The following VAV2 variants were observed in gnomAD, a reference collection of about 807,000 sequenced individuals.
VAV2 encodes the protein guanine nucleotide exchange factor VAV2.
In VAV2, 67 loss-of-function variants were observed where a neutral mutation model predicts 132.5. That is an observed-to-expected ratio of 0.51 (90% CI 0.42 to 0.62). VAV2 has a LOEUF of 0.62. Among genes scored for constraint, VAV2 ranks in the 20% least tolerant of loss-of-function variants. The pLI, the probability that VAV2 is intolerant of heterozygous loss-of-function variation, is 0.00. For missense variants in VAV2, 938 were observed against 1,153.6 expected (o/e 0.81, Z 2.71); for synonymous variants, 492 against 443.5 (o/e 1.11, Z -1.37).
intron 2 of VAV2, among the ~76,000 whole-genome samples, chr9:133,887,572 C>T (rs1838761963): frequency 6.6e-6 from 1 of 151,966 alleles, no homozygotes; most frequent in Non-Finnish European, 1.5e-5. Context: ...ACTGTGCAGC[C>T]ATCACCACCG....
At chr9:133,893,366 A>G (rs991329214) in intron 2 of VAV2, among the ~76,000 whole-genome samples, 1 of 152,206 alleles carries the variant, frequency 6.6e-6, no homozygotes, top group Non-Finnish European at 1.5e-5. Flanking sequence ...CGGCAACAGC[A>G]GCTGGGCCTC....
rs1409687352 is a variant in VAV2, at chr9:133,826,036, A to C, written c.449+8236T>G. On this transcript the variant is annotated intron_variant, in intron 4 of 29. Coordinates refer to ENST00000371850, the MANE Select transcript of VAV2 (RefSeq NM_001134398.2). The surrounding 1 kb of genome is among the most constrained non-coding windows in gnomAD (Gnocchi z 4.2). ...TTACATTCCCTGCCGTGTCACGATC[A>C]CATTTGTTTAAGCCTGAAAATCACT... 6.6e-6 allele frequency among the ~76,000 whole-genome samples: 1 copy of C among 152,206 alleles called. No homozygotes were observed. Among genetic ancestry groups the C allele is most frequent in the Non-Finnish European group, 1.5e-5 (1 of 68,034 alleles).
rs1431935358 is a variant in VAV2 at position 133,823,876 on chromosome 9, G to A, written c.449+10396C>T. Reference sequence around the variant, plus strand: ...GGCCATACCTGCTCACACACACACGGGAATGCGGAGCGGGCAGGGTGGTCA... The same window carrying A: ...GGCCATACCTGCTCACACACACACGAGAATGCGGAGCGGGCAGGGTGGTCA... On this transcript the variant is annotated intron_variant, in intron 4 of 29. Transcript: ENST00000371850. This position sits in a 1 kb window ranked among gnomAD's most constrained non-coding sequence, Gnocchi z 5.5. 6.6e-6 allele frequency among the ~76,000 whole-genome samples: 1 copy of A among 152,188 alleles called. No homozygotes were observed. Among genetic ancestry groups the A allele is most frequent in the Admixed American group, 6.5e-5 (1 of 15,282 alleles).
At chr9:133,980,222 G>A (rs1434553420) in intron 1 of VAV2, among the ~76,000 whole-genome samples, 2 of 152,210 alleles carry the variant, frequency 1.3e-5, no homozygotes, top group Non-Finnish European at 2.9e-5. Context: ...GAGGGGGGAA[G>A]TGAATGGCGC....
At chr9:133,829,926 G>A (rs1367138826) in intron 4 of VAV2, among the ~76,000 whole-genome samples, 2 of 152,186 alleles carry the variant, frequency 1.3e-5, no homozygotes, top group South Asian at 2.1e-4. Flanking sequence ...GTCTTGGGAG[G>A]CAGGAAATGT....
chr9:133,831,144 A>C (rs1368318781), intron 4 of VAV2, among the ~76,000 whole-genome samples: 4 of 152,156 alleles, frequency 2.6e-5, no homozygotes, highest in Admixed American at 1.3e-4. Context: ...AAGATGGAAA[A>C]TGGGCAACTG....
At position 133,840,318 on chromosome 9, in the gene VAV2, T is replaced by C. The variant is rs113770334; in HGVS notation, c.381-5978A>G. ...CAGGAAGCAGAGAAGCCCCAAGTGCTGAGTGCAGAGAAATCCCCAGCAGAG... is the reference window on the plus strand; with the variant it reads ...CAGGAAGCAGAGAAGCCCCAAGTGCCGAGTGCAGAGAAATCCCCAGCAGAG... On this transcript the variant is annotated intron_variant, in intron 3 of 29. Transcript: ENST00000371850. This position sits in a 1 kb window ranked among gnomAD's most constrained non-coding sequence, Gnocchi z 4.5. 0.02 allele frequency among the ~76,000 whole-genome samples: 2,994 copies of C among 152,256 alleles called. 56 individuals carry two copies. The highest frequency in any genetic ancestry group is 0.041 in the African/African-American group (1,697 of 41,548).
chr9:133,990,524 C>T (rs545405583), intron 1 of VAV2, among the ~76,000 whole-genome samples: 2 of 152,294 alleles, frequency 1.3e-5, no homozygotes, highest in South Asian at 4.1e-4. Flanking sequence ...CTCCTCTGTG[C>T]GGACCCAGCT....
chr9:133,815,061 A>G (rs1334114484), intron 4 of VAV2, among the ~76,000 whole-genome samples: 2 of 152,152 alleles, frequency 1.3e-5, no homozygotes, highest in African/African-American at 2.4e-5. Context: ...CTGGAGCCCA[A>G]ACATATTAAG....
intron 9 of VAV2, among the ~76,000 whole-genome samples, chr9:133,800,517 G>C (rs1266107246): frequency 6.6e-6 from 1 of 152,204 alleles, no homozygotes; most frequent in Non-Finnish European, 1.5e-5. Flanking sequence ...CTTCCCACCA[G>C]GCCCCGCACC....
At chr9:133,835,536 T>C (rs1023603961) in intron 3 of VAV2, among the ~76,000 whole-genome samples, 1 of 152,148 alleles carries the variant, frequency 6.6e-6, no homozygotes, top group African/African-American at 2.4e-5. Context: ...GCCCCTTAAT[T>C]AAACCAAACA....
chr9:133,949,260 A>G (rs1841474629), intron 1 of VAV2, among the ~76,000 whole-genome samples: 1 of 152,094 alleles, frequency 6.6e-6, no homozygotes, highest in Admixed American at 6.5e-5. Context: ...CTGTCTCTGC[A>G]CACTTCCCCT....
In VAV2 at chr9:133,836,546, ATAAAAG is replaced by A. The variant is rs1265953133; in HGVS notation, c.381-2212_381-2207del. On this transcript the variant is annotated intron_variant, in intron 3 of 29. Transcript: ENST00000371850. ...AAATTTTAAACCCCACTCATCTCCTATAAAAGTATGTTACATATAAAATGACATCAT... is the reference window on the plus strand; with the variant it reads ...AAATTTTAAACCCCACTCATCTCCTATATGTTACATATAAAATGACATCAT... 2.0e-5 allele frequency among the ~76,000 whole-genome samples: 3 copies of A among 152,258 alleles called. No individual in the cohort carries two copies. The East Asian group carries it at 5.8e-4, about 29-fold the overall frequency.
rs993128206 is a variant in VAV2, at chr9:133,768,844, G to A, written c.2435-248C>T. On this transcript the variant is annotated intron_variant, in intron 28 of 29. Transcript: ENST00000371850. This position sits in a 1 kb window ranked among gnomAD's most constrained non-coding sequence, Gnocchi z 5.3. ...GCAATGAGGATGTTCTTAGGGACAA[G>A]AGCAGGTGCCCAGGCTTTGACCATC... Among the ~76,000 whole-genome samples the A allele has an allele frequency of 4.6e-5, 7 of 152,202 alleles. No homozygotes were observed. The highest frequency in any genetic ancestry group is 1.2e-4 in the African/African-American group (5 of 41,452).
At chr9:133,880,269 G>A (rs1838439185) in intron 2 of VAV2, among the ~76,000 whole-genome samples, 1 of 152,240 alleles carries the variant, frequency 6.6e-6, no homozygotes, top group Non-Finnish European at 1.5e-5. Context: ...CCGGCAGGCA[G>A]CACGGGGAGG....
intron 4 of VAV2, among the ~76,000 whole-genome samples, chr9:133,816,239 T>A (rs1257541113): frequency 6.6e-6 from 1 of 152,250 alleles, no homozygotes; most frequent in Non-Finnish European, 1.5e-5. Context: ...TAGTCAGATA[T>A]GTTTTGTGAT....
chr9:133,854,741 C>T (rs1837322096), intron 3 of VAV2, among the ~76,000 whole-genome samples: 1 of 152,198 alleles, frequency 6.6e-6, no homozygotes, highest in Non-Finnish European at 1.5e-5. Flanking sequence ...CCAATTACTC[C>T]CCTCCCACTC....
chr9:133,847,014 CCTGAAGGCGG>C (rs1836960269), intron 3 of VAV2, among the ~76,000 whole-genome samples: 1 of 152,316 alleles, frequency 6.6e-6, no homozygotes, highest in Admixed American at 6.5e-5. Flanking sequence ...CAGCCGTGGG[CCTGAAGGCGG>C]CCCTGGGTGG....
rs75580682 is a variant in VAV2, at chr9:133,902,746, G to A, written c.321+36357C>T. Among the ~76,000 whole-genome samples the A allele has an allele frequency of 8.3e-3, 1,269 of 152,276 alleles. 25 individuals are homozygous for A. Among genetic ancestry groups the A allele is most frequent in the African/African-American group, 0.029 (1,208 of 41,552 alleles). On this transcript the variant is annotated intron_variant, in intron 2 of 29. Coordinates refer to ENST00000371850, the MANE Select transcript of VAV2 (RefSeq NM_001134398.2). ...AGTTAAAATGTTGTCACTGGGGTGG[G>A]ACCTAATCCAATATGACCCGTGTCC...
Sources: allele counts gnomAD v4.1 joint callset (sites outside exome capture counted in the v4.1 genomes callset), GRCh38; gene constraint gnomAD v4.1.1; non-coding constraint Gnocchi (gnomAD v3.1); transcripts MANE v1.5; gene names NCBI Gene and HGNC (gene_info 2026-07-23, HGNC 2026-07-21).